SLC4A10: variants seen among roughly 807,000 people sequenced by gnomAD.
The protein encoded by SLC4A10 is solute carrier family 4 member 10.
A neutral mutation model predicts 137.7 loss-of-function variants in SLC4A10; 42 were observed. The observed-to-expected ratio is 0.30, with a 90% CI of 0.24 to 0.39. The LOEUF (loss-of-function observed/expected upper bound fraction) is 0.39, where lower values mean the gene tolerates loss of function less well. Ranked by LOEUF, SLC4A10 falls within the 10% of genes least tolerant of loss-of-function variation. The pLI is 1.00. For synonymous variants in SLC4A10, 474 were observed against 464.1 expected (o/e 1.02, Z -0.27); for missense variants, 925 against 1,355.0 (o/e 0.68, Z 4.98).
intron 5 of SLC4A10, among the ~76,000 whole-genome samples, chr2:161,856,358 AACACACACACACAC>A (rs55983659): frequency 1.4e-4 from 20 of 141,930 alleles, no homozygotes; most frequent in African/African-American, 2.4e-4. Flanking sequence ...AAAATACTAA[AACACACACACACAC>A]ACACACACAC....
At chr2:161,743,762 A>G (rs2048145324) in intron 1 of SLC4A10, among the ~76,000 whole-genome samples, 2 of 152,130 alleles carry the variant, frequency 1.3e-5, no homozygotes, top group African/African-American at 4.8e-5. Flanking sequence ...TTCTTCCAAT[A>G]CATGAACATG....
chr2:161,674,139 T>C (rs559497694), intron 1 of SLC4A10, among the ~76,000 whole-genome samples: 6 of 152,334 alleles, frequency 3.9e-5, no homozygotes, highest in African/African-American at 1.2e-4. Flanking sequence ...ACGTATTCAT[T>C]TGTCAACTCC....
At chr2:161,798,401 A>G (rs1433068648) in intron 2 of SLC4A10, among the ~76,000 whole-genome samples, 1 of 151,878 alleles carries the variant, frequency 6.6e-6, no homozygotes, top group Non-Finnish European at 1.5e-5. Flanking sequence ...CCAGCTAAAT[A>G]AAGAATAGTT....
At chr2:161,738,655 T>C (rs1362469502) in intron 1 of SLC4A10, among the ~76,000 whole-genome samples, 3 of 152,240 alleles carry the variant, frequency 2.0e-5, no homozygotes, top group Non-Finnish European at 4.4e-5. Context: ...CTAAACCTGA[T>C]TTAACAAGTG....
At chr2:161,873,209 G>A (rs1240277100) in intron 7 of SLC4A10, among the ~76,000 whole-genome samples, 2 of 152,164 alleles carry the variant, frequency 1.3e-5, no homozygotes, top group Admixed American at 1.3e-4. Context: ...AGAACTGACT[G>A]TGTTGAGGGA....
intron 3 of SLC4A10, among the ~76,000 whole-genome samples, chr2:161,825,522 T>C (rs1207770157): frequency 6.6e-6 from 1 of 152,200 alleles, no homozygotes; most frequent in Non-Finnish European, 1.5e-5. Flanking sequence ...ATAGAGTCTC[T>C]CTGCTGAAAT....
chr2:161,922,726 T>C (rs1225391652), intron 15 of SLC4A10, among the ~76,000 whole-genome samples: 4 of 152,142 alleles, frequency 2.6e-5, no homozygotes, highest in Non-Finnish European at 4.4e-5. Context: ...ATTTTGTAAA[T>C]ATTCTGTAGT....
At chr2:161,700,160 A>G (rs551878566) in intron 1 of SLC4A10, among the ~76,000 whole-genome samples, 54 of 152,222 alleles carry the variant, frequency 3.5e-4, no homozygotes, top group Non-Finnish European at 6.3e-4. Flanking sequence ...AAAGGCCAGT[A>G]GTTGTTGATG....
intron 23 of SLC4A10, among the ~76,000 whole-genome samples, chr2:161,969,796 A>G (rs1188216890): frequency 6.6e-6 from 1 of 152,216 alleles, no homozygotes; most frequent in Non-Finnish European, 1.5e-5. Context: ...AAACAAGTGC[A>G]ACTAAACAAA....
intron 1 of SLC4A10, among the ~76,000 whole-genome samples, chr2:161,673,446 T>C (rs1295026703): frequency 1.3e-5 from 2 of 152,140 alleles, no homozygotes; most frequent in African/African-American, 4.8e-5. Context: ...AATAATTGGC[T>C]GGAAGTGTGT....
At position 161,844,317 on chromosome 2, in the gene SLC4A10, G is replaced by A. The variant is rs1382149676; in HGVS notation, c.416+4390G>A. 2.6e-5 allele frequency among the ~76,000 whole-genome samples: 4 copies of A among 152,002 alleles called. 1 individual carries two copies. The highest frequency in any genetic ancestry group is 6.6e-5 in the Admixed American group (1 of 15,218). On this transcript the variant is annotated intron_variant, in intron 4 of 26. Transcript: ENST00000446997. ...GGTTTAAGTCATCTGGATTTTTTACGGGAAAATAATGTGGATTAAGAACAG... is the reference window on the plus strand; with the variant it reads ...GGTTTAAGTCATCTGGATTTTTTACAGGAAAATAATGTGGATTAAGAACAG...
chr2:161,641,258 T>C (rs1466922952), intron 1 of SLC4A10, among the ~76,000 whole-genome samples: 3 of 152,338 alleles, frequency 2.0e-5, no homozygotes, highest in East Asian at 3.9e-4. Flanking sequence ...TGTACTTTCA[T>C]TTATGTCATT....
intron 1 of SLC4A10, among the ~76,000 whole-genome samples, chr2:161,656,117 T>G (rs973192201): frequency 6.6e-6 from 1 of 152,136 alleles, no homozygotes; most frequent in Non-Finnish European, 1.5e-5. Flanking sequence ...CAGCCAAAAA[T>G]TCTTTTAATA....
chr2:161,752,914 C>T (rs933581633), intron 1 of SLC4A10, among the ~76,000 whole-genome samples: 1 of 151,870 alleles, frequency 6.6e-6, no homozygotes, highest in Admixed American at 6.6e-5. Flanking sequence ...AGTGTTTTTA[C>T]CACAAAAAAA....
intron 18 of SLC4A10, among the ~76,000 whole-genome samples, chr2:161,950,248 G>A (rs1317836532): frequency 6.6e-6 from 1 of 151,976 alleles, no homozygotes; most frequent in Non-Finnish European, 1.5e-5. Flanking sequence ...CTCAGTTCTA[G>A]CACAGTGGTC....
At chr2:161,679,719 G>T (rs1366685419) in intron 1 of SLC4A10, among the ~76,000 whole-genome samples, 2 of 149,608 alleles carry the variant, frequency 1.3e-5, no homozygotes, top group Non-Finnish European at 3.0e-5. Flanking sequence ...GTGTGTGTGT[G>T]TAGTATATCA....
At chr2:161,632,473 C>T (rs2033734007) in intron 1 of SLC4A10, among the ~76,000 whole-genome samples, 1 of 151,344 alleles carries the variant, frequency 6.6e-6, no homozygotes, top group Non-Finnish European at 1.5e-5. Flanking sequence ...CAAGACACAC[C>T]CTTAAGGTAT....
Position 161,949,182 on chromosome 2 carries a change from T to C in SLC4A10, c.2300T>C (p.Leu767Pro). 1 of 1,611,206 alleles carries C rather than the reference T, an allele frequency of 6.2e-7. No individual in the cohort carries two copies. The highest frequency in any genetic ancestry group is 8.5e-7 in the Non-Finnish European group (1 of 1,178,238). Residue 767 changes from leucine to proline, a missense_variant, in exon 18 of 27, where the codon CTT becomes CCT. By Grantham distance (98) the Leu-to-Pro change is moderately conservative (BLOSUM62 -3). Transcript: ENST00000446997. ...ATAGTGAGTGACTTTGCTGTCTTTC[T>C]TACAATTCTGTGTATGGTTTTAATT... ...RSIVSDFAVF[L>P]TILCMVLIDY... is the part of the protein sequence containing the mutation.
chr2:161,650,196 T>C lies in SLC4A10; in HGVS notation c.48+25630T>C, dbSNP rs1484197456. On this transcript the variant is annotated intron_variant, in intron 1 of 26. Coordinates refer to ENST00000446997, the MANE Select transcript of SLC4A10 (RefSeq NM_001178015.2). ...TTTTCATGATCTTGATACTTTTGAATAGTACTGGTCAGATATGTTGTAGAA... is the reference window on the plus strand; with the variant it reads ...TTTTCATGATCTTGATACTTTTGAACAGTACTGGTCAGATATGTTGTAGAA... 1.2e-3 allele frequency among the ~76,000 whole-genome samples: 176 copies of C among 152,352 alleles called. 2 individuals carry two copies. In the South Asian group the frequency reaches 0.02, roughly 17 times the overall value.
Sources: allele counts gnomAD v4.1 joint callset (sites outside exome capture counted in the v4.1 genomes callset), GRCh38; gene constraint gnomAD v4.1.1; transcripts MANE v1.5; gene names NCBI Gene and HGNC (gene_info 2026-07-23, HGNC 2026-07-21).